SRPK2: variants seen among roughly 807,000 people sequenced by gnomAD.
SRPK2 encodes SRSF protein kinase 2.
A neutral mutation model predicts 90.8 loss-of-function variants in SRPK2; 21 were observed. The observed-to-expected ratio is 0.23, with a 90% CI of 0.16 to 0.33. The LOEUF is 0.33. Ranked by LOEUF, SRPK2 falls within the 10% of genes least tolerant of loss-of-function variation. SRPK2 has a pLI of 1.00. For missense variants in SRPK2, 620 were observed against 869.0 expected (o/e 0.71, Z 3.60); for synonymous variants, 288 against 311.1 (o/e 0.93, Z 0.78).
intron 3 of SRPK2, chr7:105,189,212 G>C (rs73715440): frequency 0.011 from 1,711 of 154,590 alleles, 29 homozygotes; most frequent in African/African-American, 0.039. Flanking sequence ...GAATTCGCCT[G>C]CATCTACTCC....
chr7:105,294,932 C>T (rs1456632582), intron 2 of SRPK2, among the ~76,000 whole-genome samples: 2 of 151,976 alleles, frequency 1.3e-5, no homozygotes, highest in African/African-American at 2.4e-5. Flanking sequence ...CAAAATAGGC[C>T]GGGAGTGGTG....
rs537641218 is a variant in SRPK2 at position 105,382,926 on chromosome 7, T to C, written c.71+5722A>G. On this transcript the variant is annotated intron_variant, in intron 2 of 15. Coordinates refer to ENST00000393651, the MANE Select transcript of SRPK2 (RefSeq NM_182692.3). ...ATTAATAACATTGTCTCAATGTCAA[T>C]TTATTGGTTTCAACAATGTTCTATG... Among the ~76,000 whole-genome samples the C allele has an allele frequency of 3.3e-5, 5 of 152,248 alleles. No homozygotes were observed. The South Asian group carries it at 1.0e-3, about 32-fold the overall frequency.
In SRPK2 at chr7:105,142,104, A is replaced by T; in HGVS notation, c.1447T>A (p.Ser483Thr). The T allele has an allele frequency of 1.2e-6, 2 of 1,614,216 alleles. No homozygotes were observed. The highest frequency in any genetic ancestry group is 8.5e-7 in the Non-Finnish European group (1 of 1,180,020). Residue 483 changes from serine to threonine, a missense_variant, in exon 11 of 16, where the codon TCT (serine) becomes ACT (threonine). Around this residue, in one of 8 missense-constraint regions of SRPK2, gnomAD observed 243 missense variants for 245.7 expected, o/e 0.99. Transcript: ENST00000393651. ...TGCTCAGTAAGTGGTGATCCCTCAG[A>T]AAGCACAGAGCCGCAGGCCACAGGT... ...LEPVACGSVL[S>T]EGSPLTEQEE...
intron 2 of SRPK2, among the ~76,000 whole-genome samples, chr7:105,291,843 T>C (rs916693485): frequency 1.3e-5 from 2 of 152,218 alleles, no homozygotes; most frequent in Admixed American, 6.5e-5. Flanking sequence ...ATATCTCTAC[T>C]TGTGGTAGCA....
intron 2 of SRPK2, among the ~76,000 whole-genome samples, chr7:105,216,436 C>T (rs539269151): frequency 1.3e-5 from 2 of 152,154 alleles, no homozygotes; most frequent in South Asian, 4.2e-4. Flanking sequence ...CCCAAAAACT[C>T]CTTTCAGGAG....
At chr7:105,176,907 T>C (rs1409561134) in intron 3 of SRPK2, among the ~76,000 whole-genome samples, 1 of 152,112 alleles carries the variant, frequency 6.6e-6, no homozygotes, top group Non-Finnish European at 1.5e-5. Context: ...AGTGCTGGGA[T>C]TACAGGCGCA....
chr7:105,322,733 G>C (rs557761349), intron 2 of SRPK2, among the ~76,000 whole-genome samples: 13 of 144,292 alleles, frequency 9.0e-5, no homozygotes, highest in Non-Finnish European at 1.8e-4. Context: ...CATATTATGT[G>C]AATATAACCT....
In SRPK2 at chr7:105,118,082, G is replaced by T. The variant is rs1035533975; in HGVS notation, c.1916-60C>A. On this transcript the variant is annotated intron_variant, in intron 15 of 15. Transcript: ENST00000393651. ...CTCCAAATCTGCATTCCCCATTGTT[G>T]GTCCAGTCAGGTTCTTTTCAGTGAA... 4.6e-5 allele frequency: 73 copies of T among 1,575,820 alleles called. No individual in the cohort carries two copies. In the African/African-American group the frequency reaches 8.3e-4, roughly 18 times the overall value.
chr7:105,229,472 A>T lies in SRPK2; in HGVS notation c.72-25687T>A, dbSNP rs893780594. ...GAGCAAGACTCCGTCTCAAAAAAAA[A>T]AAGGCCATCCTTTTTGTGCTAACAT... On this transcript the variant is annotated intron_variant, in intron 2 of 15. Coordinates refer to ENST00000393651, the MANE Select transcript of SRPK2 (RefSeq NM_182692.3). Among the ~76,000 whole-genome samples, 4 of 152,172 alleles carry T rather than the reference A, an allele frequency of 2.6e-5. No individual in the cohort carries two copies. The South Asian group carries it at 8.3e-4, about 31-fold the overall frequency.
Position 105,353,608 on chromosome 7 carries a change from C to T in SRPK2, c.71+35040G>A, listed in dbSNP as rs554026768. 1.1e-4 allele frequency among the ~76,000 whole-genome samples: 17 copies of T among 152,106 alleles called. No individual in the cohort carries two copies. The South Asian group carries it at 3.3e-3, about 30-fold the overall frequency. ...CTCAAACTCCTGAGCTCAAATGATCCGCCTTCTTTGGCCTCCCAAAGTGAT... is the reference window on the plus strand; with the variant it reads ...CTCAAACTCCTGAGCTCAAATGATCTGCCTTCTTTGGCCTCCCAAAGTGAT... On this transcript the variant is annotated intron_variant, in intron 2 of 15. Transcript: ENST00000393651.
intron 2 of SRPK2, chr7:105,204,919 T>C: frequency 2.7e-6 from 1 of 374,004 alleles, no homozygotes; most frequent in Non-Finnish European, 5.1e-6. Flanking sequence ...TGGAACACTG[T>C]TGCTCTCTGC....
intron 3 of SRPK2, among the ~76,000 whole-genome samples, chr7:105,188,971 A>G (rs1291849434): frequency 6.6e-6 from 1 of 152,186 alleles, no homozygotes; most frequent in African/African-American, 2.4e-5. Flanking sequence ...CAGTGAGCCT[A>G]AAGGGGGTGG....
chr7:105,144,386 G>A (rs576145566), intron 9 of SRPK2, among the ~76,000 whole-genome samples: 7 of 151,786 alleles, frequency 4.6e-5, no homozygotes, highest in Admixed American at 1.3e-4. Context: ...GATTACAGAC[G>A]TCCACCAGCA....
In SRPK2 at chr7:105,354,664, TGCTG is replaced by T. The variant is rs1817584600; in HGVS notation, c.71+33980_71+33983del. 3.3e-5 allele frequency among the ~76,000 whole-genome samples: 5 copies of T among 152,290 alleles called. No individual in the cohort carries two copies. The South Asian group carries it at 1.0e-3, about 32-fold the overall frequency. ...CCTCTGTCCAGCCCTGGTCTCTACC[TGCTG>T]GCTGGGAACAGACATTGCTACTCCT... On this transcript the variant is annotated intron_variant, in intron 2 of 15. Transcript: ENST00000393651.
Position 105,340,102 on chromosome 7 carries a change from A to C in SRPK2, c.71+48546T>G, listed in dbSNP as rs79491393. Among the ~76,000 whole-genome samples the C allele has an allele frequency of 5.0e-3, 768 of 152,140 alleles. 11 individuals are homozygous for C. The East Asian group carries it at 0.054, about 11-fold the overall frequency. ...AAAAAGGCCAGGATCCGTAACTATAACGATAGTCATTATATGCTTCATCAT... is the reference window on the plus strand; with the variant it reads ...AAAAAGGCCAGGATCCGTAACTATACCGATAGTCATTATATGCTTCATCAT... On this transcript the variant is annotated intron_variant, in intron 2 of 15. Transcript: ENST00000393651.
intron 15 of SRPK2, among the ~76,000 whole-genome samples, chr7:105,118,674 T>C (rs1348936203): frequency 1.3e-5 from 2 of 152,140 alleles, no homozygotes; most frequent in Non-Finnish European, 1.5e-5. Flanking sequence ...TCCTAGCCGT[T>C]TGGGAGGCTG....
intron 2 of SRPK2, among the ~76,000 whole-genome samples, chr7:105,229,152 A>G (rs1006455095): frequency 6.6e-6 from 1 of 152,160 alleles, no homozygotes; most frequent in African/African-American, 2.4e-5. Context: ...TTTTGAAGGT[A>G]CACTTGTTGC....
chr7:105,154,152 A>T (rs537040218), intron 7 of SRPK2, among the ~76,000 whole-genome samples: 71 of 152,334 alleles, frequency 4.7e-4, no homozygotes, highest in Non-Finnish European at 9.8e-4. Flanking sequence ...GGTGAGAATT[A>T]ATGAGAAAAG....
At chr7:105,167,228 T>C in intron 6 of SRPK2, 149 bp downstream of exon 6, 1 of 533,832 alleles carries the variant, frequency 1.9e-6, no homozygotes. Context: ...ATGAAAACTA[T>C]TCTAGGTGGA....
Sources: gnomAD v4.1 joint callset for allele counts (sites outside exome capture counted in the v4.1 genomes callset) on GRCh38, gnomAD v4.1.1 for gene constraint, gnomAD v4.1.1 regional missense constraint, MANE v1.5 for transcripts, NCBI Gene and HGNC (gene_info 2026-07-23, HGNC 2026-07-21) for gene names.